MLH3: variants seen among roughly 807,000 people sequenced by gnomAD.
MLH3 encodes mutL homolog 3.
MLH3 carries 82 observed loss-of-function variants against 122.2 expected under a neutral mutation model. The observed-to-expected ratio is 0.67, with a 90% CI of 0.56 to 0.81. The LOEUF is 0.81. MLH3 is among the 30% of genes least tolerant of loss of function. MLH3 has a pLI of 0.00. For synonymous variants in MLH3, 524 were observed against 599.5 expected (o/e 0.87, Z 1.84); for missense variants, 1,539 against 1,714.5 (o/e 0.90, Z 1.81).
Position 75,047,875 on chromosome 14 carries a change from T to C in MLH3, c.1781A>G (p.Asn594Ser), listed in dbSNP as rs1183390548. The C allele has an allele frequency of 6.2e-7, 1 of 1,613,456 alleles. No homozygotes were observed. The highest frequency in any genetic ancestry group is 1.7e-5 in the Admixed American group (1 of 59,912). The change falls in exon 2 of 13, where the codon AAT (asparagine) becomes AGT (serine). Residue 594 changes from asparagine (N) to serine (S), a missense_variant. Asn to Ser is a conservative substitution (Grantham distance 46). Transcript: ENST00000355774. Reference protein sequence around the residue: ...KKESSNCGRRNVFSYGRVKLC... With the variant: ...KKESSNCGRRSVFSYGRVKLC... ...TTTAACTCGCCCATAACTAAAAACA[T>C]TTCTTCTTCCACAATTGCTAGATTC... is the stretch of plus-strand genomic sequence containing the variant.
chr14:75,039,165 A>C (rs865923449), intron 5 of MLH3, among the ~76,000 whole-genome samples: 7 of 152,034 alleles, frequency 4.6e-5, no homozygotes, highest in Non-Finnish European at 8.8e-5. Context: ...CTGCTAGTCT[A>C]TTAAAGAAGT....
chr14:75,026,932 C>G (rs552283087), intron 9 of MLH3, among the ~76,000 whole-genome samples: 1 of 152,104 alleles, frequency 6.6e-6, no homozygotes, highest in East Asian at 2.0e-4. Flanking sequence ...AACCCCATCT[C>G]TGCTAAAGAT....
Position 75,042,363 on chromosome 14 carries a change from T to G in MLH3, c.3379+16A>C. On this transcript the variant is annotated intron_variant, in intron 3 of 12. Coordinates refer to ENST00000355774, the MANE Select transcript of MLH3 (RefSeq NM_001040108.2). ...CGATGTGTACTGTGTGCCCCAGCAC[T>G]CTCTGCCACCCTTACCTCTGTTATC... 1 of 1,609,514 alleles carries G rather than the reference T, an allele frequency of 6.2e-7. No homozygotes were observed. Among genetic ancestry groups the G allele is most frequent in the South Asian group, 1.1e-5 (1 of 90,982 alleles).
At chr14:75,019,542 T>C (rs1260243221) in intron 11 of MLH3, among the ~76,000 whole-genome samples, 2 of 152,150 alleles carry the variant, frequency 1.3e-5, no homozygotes, top group Admixed American at 6.6e-5. Context: ...CTAATCTCTG[T>C]AGGAGGCATT....
rs746749487 is a variant in MLH3, at chr14:75,041,669, C to T, written c.3411G>A (p.Ser1137=). ...DTVDDTVSSE[S]LQSLFSEWDN... Reference sequence around the variant, plus strand: ...CCCATTCTGAGAACAAAGACTGAAGCGATTCGCTACTAACAGTATCATCCA... The same window carrying T: ...CCCATTCTGAGAACAAAGACTGAAGTGATTCGCTACTAACAGTATCATCCA... Residue 1137 remains serine, a synonymous_variant, in exon 4 of 13, where the codon TCG becomes TCA. Coordinates refer to ENST00000355774, the MANE Select transcript of MLH3 (RefSeq NM_001040108.2). The T allele has an allele frequency of 1.2e-5, 19 of 1,613,874 alleles. No individual in the cohort carries two copies. The highest frequency in any genetic ancestry group is 2.2e-5 in the South Asian group (2 of 91,088).
At chr14:75,036,334 A>C (rs1258961489) in intron 6 of MLH3, among the ~76,000 whole-genome samples, 2 of 148,774 alleles carry the variant, frequency 1.3e-5, no homozygotes, top group Non-Finnish European at 1.5e-5. Context: ...ATATCCAACC[A>C]CATTCTTGAC....
At chr14:75,042,329 T>A in intron 3 of MLH3, 50 bp downstream of exon 3, 1 of 1,494,682 alleles carries the variant, frequency 6.7e-7, no homozygotes, top group Non-Finnish European at 9.3e-7. Context: ...TTTTTTGAGT[T>A]AGGTGGTACG....
chr14:75,035,729 G>C (rs1891360473), intron 6 of MLH3, among the ~76,000 whole-genome samples: 1 of 152,148 alleles, frequency 6.6e-6, no homozygotes, highest in South Asian at 2.1e-4. Context: ...GCACTTGCCT[G>C]CAGGTACTAT....
chr14:75,016,380 G>T lies in MLH3; in HGVS notation c.*702C>A, dbSNP rs1379033355. On this transcript the variant is annotated 3_prime_UTR_variant, in exon 13 of 13. Transcript: ENST00000355774. The stretch of plus-strand genomic sequence containing the variant: ...TCATAGTATTTTCACCATTTTACTG[G>T]TTTGGGATATTGAACATCAGTCTCT... 6.2e-5 allele frequency: 12 copies of T among 193,936 alleles called. No homozygotes were observed. 12.0% of individuals were successfully genotyped at this position (193,936 alleles called of 1,614,324 possible).
chr14:75,027,872 G>A (rs1346992198), intron 9 of MLH3, among the ~76,000 whole-genome samples: 1 of 151,888 alleles, frequency 6.6e-6, no homozygotes, highest in Non-Finnish European at 1.5e-5. Context: ...AGGGTGATGG[G>A]AGATGAACAG....
intron 4 of MLH3, among the ~76,000 whole-genome samples, chr14:75,041,204 G>A (rs1028679733): frequency 1.3e-5 from 2 of 152,066 alleles, no homozygotes; most frequent in Non-Finnish European, 2.9e-5. Context: ...GAGTAGCTGA[G>A]ACTATAAGTG....
chr14:75,028,644 C>T (rs200944494), intron 9 of MLH3, among the ~76,000 whole-genome samples: 1 of 151,400 alleles, frequency 6.6e-6, no homozygotes, highest in African/African-American at 2.4e-5. Flanking sequence ...TCTTGAACTC[C>T]AGACCTCAAA....
intron 2 of MLH3, among the ~76,000 whole-genome samples, chr14:75,043,526 C>T (rs925052233): frequency 6.6e-6 from 1 of 152,210 alleles, no homozygotes; most frequent in Non-Finnish European, 1.5e-5. Flanking sequence ...GGCCCAAATG[C>T]TGTTCTTCTC....
intron 2 of MLH3, among the ~76,000 whole-genome samples, chr14:75,042,694 A>G (rs762094961): frequency 1.3e-5 from 2 of 152,044 alleles, no homozygotes; most frequent in African/African-American, 4.8e-5. Context: ...TTCATACCAG[A>G]CAGAATGAAG....
In MLH3 at chr14:75,048,948, A is replaced by G; in HGVS notation, c.708T>C (p.Ser236=). 2 of 1,613,148 alleles carry G rather than the reference A, an allele frequency of 1.2e-6. No homozygotes were observed. Among genetic ancestry groups the G allele is most frequent in the South Asian group, 2.2e-5 (2 of 90,798 alleles). ...ISFKYKEFEL[S]GYISSEAHYN... is the part of the protein sequence containing the mutation. Reference sequence around the variant, plus strand: ...AATGTGCTTCAGAGCTGATATAGCCACTAAGCTCAAACTCTTTATATTTAA... The same window carrying G: ...AATGTGCTTCAGAGCTGATATAGCCGCTAAGCTCAAACTCTTTATATTTAA... The change falls in exon 2 of 13, where the codon AGT becomes AGC. Residue 236 remains serine, a synonymous_variant. Coordinates refer to ENST00000355774, the MANE Select transcript of MLH3 (RefSeq NM_001040108.2).
At position 75,032,150 on chromosome 14, in the gene MLH3, A is replaced by G; in HGVS notation, c.3745T>C (p.Ser1249Pro). ...GAAGACAGTAATTTTTTCCGACCAG[A>G]GCCTTGTGCCTGTTGCTTCTCGTAG... Reference protein sequence around the residue: ...DSYEKQQAQGSGRKKLLSSTL... With the variant: ...DSYEKQQAQGPGRKKLLSSTL... Residue 1249 changes from serine to proline, a missense_variant, in exon 8 of 13, where the codon TCT becomes CCT. By Grantham distance (74) the Ser-to-Pro change is moderately conservative. Transcript: ENST00000355774. 1 of 1,613,584 alleles carries G rather than the reference A, an allele frequency of 6.2e-7. No homozygotes were observed. Among genetic ancestry groups the G allele is most frequent in the African/African-American group, 1.3e-5 (1 of 75,032 alleles).
chr14:75,046,009 T>C (rs192842210), intron 2 of MLH3, among the ~76,000 whole-genome samples: 67 of 152,008 alleles, frequency 4.4e-4, no homozygotes, highest in African/African-American at 1.5e-3. Flanking sequence ...TGAAATCCTG[T>C]CTCTACTGAA....
intron 4 of MLH3, 117 bp downstream of exon 4, chr14:75,041,498 A>C: frequency 1.3e-6 from 1 of 794,202 alleles, no homozygotes; most frequent in Non-Finnish European, 2.1e-6. Context: ...ACGTGAGCCG[A>C]GATCATGCCA....
intron 9 of MLH3, 147 bp downstream of exon 9, chr14:75,030,396 C>T: frequency 1.2e-6 from 1 of 836,306 alleles, no homozygotes; most frequent in Non-Finnish European, 2.0e-6. Context: ...TTTGAGCTAA[C>T]TCATCTCTGA....
Sources: allele counts gnomAD v4.1 joint callset (sites outside exome capture counted in the v4.1 genomes callset), GRCh38; gene constraint gnomAD v4.1.1; transcripts MANE v1.5; gene names NCBI Gene and HGNC (gene_info 2026-07-23, HGNC 2026-07-21).